Variants in SAXO1 observed in about 807,000 individuals in gnomAD.
The protein encoded by SAXO1 is stabilizer of axonemal microtubules 1.
A neutral mutation model predicts 17.5 loss-of-function variants in SAXO1; 21 were observed. That is an observed-to-expected ratio of 1.20 (90% CI 0.85 to 1.72). The LOEUF (loss-of-function observed/expected upper bound fraction) is 1.72. Ranked by LOEUF, SAXO1 falls within the 40% of genes most tolerant of loss-of-function variation. The pLI, the probability that SAXO1 is intolerant of heterozygous loss-of-function variation, is 0.00. For synonymous variants in SAXO1, 274 were observed against 216.5 expected, an observed-to-expected ratio of 1.27 and a Z score of -2.33; for missense variants, 843 against 596.0, an observed-to-expected ratio of 1.41 and a Z score of -4.32.
chr9:19,002,785 T>G (rs1326847994), intron 1 of SAXO1, among the ~76,000 whole-genome samples: 1 of 152,180 alleles, frequency 6.6e-6, no homozygotes, highest in South Asian at 2.1e-4. Context: ...ACAGCCAATA[T>G]CATACTAACT....
chr9:18,932,204 A>G (rs756632783), intron 3 of SAXO1, among the ~76,000 whole-genome samples: 10 of 152,008 alleles, frequency 6.6e-5, no homozygotes, highest in African/African-American at 1.2e-4. Context: ...TAGGTTTCTG[A>G]CTCTTTTGAG....
chr9:18,971,002 A>C (rs1832922489), intron 1 of SAXO1, among the ~76,000 whole-genome samples: 1 of 152,144 alleles, frequency 6.6e-6, no homozygotes, highest in African/African-American at 2.4e-5. Flanking sequence ...CTCATGCTGC[A>C]GGTAATGGGG....
intron 1 of SAXO1, among the ~76,000 whole-genome samples, chr9:18,997,451 G>C (rs557966141): frequency 3.9e-5 from 6 of 152,364 alleles, no homozygotes; most frequent in African/African-American, 1.4e-4. Flanking sequence ...TGTAAACAAA[G>C]AGGCAGGAAA....
intron 1 of SAXO1, among the ~76,000 whole-genome samples, chr9:18,975,078 C>T (rs1052933022): frequency 6.6e-6 from 1 of 152,028 alleles, no homozygotes; most frequent in South Asian, 2.1e-4. Context: ...GGCGGTAATA[C>T]TTGAATCAGG....
chr9:19,041,475 T>G (rs113920727), intron 1 of SAXO1, among the ~76,000 whole-genome samples: 19,371 of 152,090 alleles, frequency 0.13, 1,263 homozygotes, highest in Admixed American at 0.14. Flanking sequence ...CACAAAAGAT[T>G]GAGAATAGCC....
Position 19,014,460 on chromosome 9 carries a change from C to CAAA in SAXO1, c.38+18408_38+18410dup, listed in dbSNP as rs375593725. Among the ~76,000 whole-genome samples the CAAA allele has an allele frequency of 2.7e-4, 24 of 88,554 alleles. 1 individual carries two copies. Among genetic ancestry groups the CAAA allele is most frequent in the Admixed American group, 4.1e-4 (3 of 7,380 alleles). 58.1% of individuals were successfully genotyped at this position (88,554 alleles called of 152,430 possible). On this transcript the variant is annotated intron_variant, in intron 1 of 3. Coordinates refer to ENST00000380534, the MANE Select transcript of SAXO1 (RefSeq NM_153707.4). Reference sequence around the variant, plus strand: ...TGGGCAACAGAGCGAAACTGTGTCTCAAAAAAAAAAAAAAAAAGTTAATTA... The same window carrying CAAA: ...TGGGCAACAGAGCGAAACTGTGTCTCAAAAAAAAAAAAAAAAAAAAGTTAATTA...
At chr9:18,936,185 CTTAAGT>C (rs1411315067) in intron 3 of SAXO1, among the ~76,000 whole-genome samples, 1 of 152,156 alleles carries the variant, frequency 6.6e-6, no homozygotes, top group African/African-American at 2.4e-5. Flanking sequence ...CCAGCACGCT[CTTAAGT>C]TTATTTTAGG....
rs556860662 is a variant in SAXO1, at chr9:18,994,627, C to T, written c.38+38244G>A. Among the ~76,000 whole-genome samples the T allele has an allele frequency of 3.9e-5, 6 of 152,282 alleles. No individual in the cohort carries two copies. In the East Asian group the frequency reaches 5.8e-4, roughly 15 times the overall value. On this transcript the variant is annotated intron_variant, in intron 1 of 3. Coordinates refer to ENST00000380534, the MANE Select transcript of SAXO1 (RefSeq NM_153707.4). The stretch of plus-strand genomic sequence containing the variant: ...GGTGCTGCAATCCTAACAGAGACCC[C>T]GGGAAATGGAAACCGCCTGGGCTCA...
At chr9:18,971,194 A>G (rs556272795) in intron 1 of SAXO1, among the ~76,000 whole-genome samples, 1 of 152,312 alleles carries the variant, frequency 6.6e-6, no homozygotes, top group African/African-American at 2.4e-5. Flanking sequence ...TGCAGACAGG[A>G]AGATCCTGAC....
intron 3 of SAXO1, among the ~76,000 whole-genome samples, chr9:18,940,750 G>A (rs1305585169): frequency 2.6e-5 from 4 of 152,162 alleles, no homozygotes; most frequent in African/African-American, 9.7e-5. Flanking sequence ...CTGTCTGCTA[G>A]CAAAACACAT....
chr9:18,933,462 T>G (rs1281958694), intron 3 of SAXO1, among the ~76,000 whole-genome samples: 1 of 152,224 alleles, frequency 6.6e-6, no homozygotes, highest in Non-Finnish European at 1.5e-5. Context: ...AAGTATATAT[T>G]TACCTAATTA....
chr9:19,003,703 A>G (rs1291498539), intron 1 of SAXO1, among the ~76,000 whole-genome samples: 7 of 152,164 alleles, frequency 4.6e-5, no homozygotes, highest in Non-Finnish European at 7.4e-5. Context: ...GTAGAAAGCT[A>G]AAACTGGACT....
intron 1 of SAXO1, chr9:19,028,185 G>A: frequency 7.9e-7 from 1 of 1,262,676 alleles, no homozygotes; most frequent in Non-Finnish European, 1.1e-6. Context: ...AATAAAAGAT[G>A]GTTTAGAGGC....
At chr9:19,010,309 C>A (rs1334082787) in intron 1 of SAXO1, among the ~76,000 whole-genome samples, 1 of 152,102 alleles carries the variant, frequency 6.6e-6, no homozygotes, top group African/African-American at 2.4e-5. Context: ...GTCATGGCCA[C>A]ATTTTTAGGG....
At position 19,033,076 on chromosome 9, in the gene SAXO1, G is replaced by A. The variant is rs945868080; in HGVS notation, c.-168C>T. On this transcript the variant is annotated 5_prime_UTR_variant, in exon 1 of 4. Transcript: ENST00000380534. Reference sequence around the variant, plus strand: ...GCCCTTTTGCAATGTCCTGTCGTCTGTTGCCCTCCTGGAGCTGGCCTAGCG... The same window carrying A: ...GCCCTTTTGCAATGTCCTGTCGTCTATTGCCCTCCTGGAGCTGGCCTAGCG... 5 of 635,736 alleles carry A rather than the reference G, an allele frequency of 7.9e-6. No individual in the cohort carries two copies. In the Admixed American group the frequency reaches 1.7e-4, roughly 22 times the overall value. The allele number at this position is 635,736 out of a possible 1,614,324, so 39.4% of individuals were successfully genotyped here.
At chr9:18,994,044 A>C (rs1347938355) in intron 1 of SAXO1, among the ~76,000 whole-genome samples, 7 of 152,270 alleles carry the variant, frequency 4.6e-5, no homozygotes, top group Admixed American at 4.6e-4. Context: ...AGTATGGCCC[A>C]GAATGAAAAA....
At chr9:18,985,362 A>G (rs982948548) in intron 1 of SAXO1, among the ~76,000 whole-genome samples, 13 of 152,234 alleles carry the variant, frequency 8.5e-5, no homozygotes, top group African/African-American at 3.1e-4. Flanking sequence ...TTGGAAAAAC[A>G]GCAGACAGAA....
intron 1 of SAXO1, among the ~76,000 whole-genome samples, chr9:18,976,983 T>C (rs146413495): frequency 1.9e-3 from 295 of 152,296 alleles, no homozygotes; most frequent in African/African-American, 6.9e-3. Flanking sequence ...ATCATCATCA[T>C]CTTATCCTTT....
At chr9:18,933,429 T>C (rs943734953) in intron 3 of SAXO1, among the ~76,000 whole-genome samples, 21 of 152,240 alleles carry the variant, frequency 1.4e-4, no homozygotes, top group Admixed American at 5.9e-4. Flanking sequence ...ATCTTTTTAA[T>C]GATTTAAGAA....
Sources: allele counts gnomAD v4.1 joint callset (sites outside exome capture counted in the v4.1 genomes callset), GRCh38; gene constraint gnomAD v4.1.1; transcripts MANE v1.5; gene names NCBI Gene and HGNC (gene_info 2026-07-23, HGNC 2026-07-21).